The following APPBP2 variants were observed in gnomAD, a reference collection of about 807,000 sequenced individuals.
The protein encoded by APPBP2 is amyloid protein-binding protein 2.
Under a neutral mutation model 76.0 loss-of-function variants are expected in APPBP2, and 15 were observed. The ratio of observed to expected loss-of-function variants is 0.20; its 90% CI spans 0.13 to 0.30. APPBP2 has a LOEUF of 0.30. Ranked by LOEUF, APPBP2 falls within the 10% of genes least tolerant of loss-of-function variation. APPBP2 has a pLI of 1.00. For synonymous variants in APPBP2, 222 were observed against 242.2 expected (o/e 0.92, Z 0.77); for missense variants, 401 against 687.2 (o/e 0.58, Z 4.66).
chr17:60,453,481 G>A (rs1264515548), intron 11 of APPBP2, among the ~76,000 whole-genome samples: 4 of 150,788 alleles, frequency 2.7e-5, no homozygotes, highest in South Asian at 2.1e-4. Flanking sequence ...CACTGAGCCC[G>A]GCCTCATATA....
intron 1 of APPBP2, among the ~76,000 whole-genome samples, chr17:60,503,254 G>A (rs988943883): frequency 2.7e-5 from 4 of 145,894 alleles, no homozygotes; most frequent in African/African-American, 8.4e-5. Flanking sequence ...CTCATGATCC[G>A]CCCGCCTCAG....
chr17:60,460,939 A>G (rs963435760), intron 8 of APPBP2, 152 bp from the exon 9 acceptor site: 5 of 624,696 alleles, frequency 8.0e-6, no homozygotes, highest in African/African-American at 7.4e-5. Context: ...ACAGAACATG[A>G]AAGTCACCTA....
At chr17:60,478,703 C>T (rs369500371) in intron 4 of APPBP2, among the ~76,000 whole-genome samples, 133 of 152,288 alleles carry the variant, frequency 8.7e-4, no homozygotes, top group African/African-American at 3.1e-3. Flanking sequence ...AGGTGGATCA[C>T]CTGAAGTCAG....
intron 1 of APPBP2, among the ~76,000 whole-genome samples, chr17:60,524,643 G>C (rs1044302956): frequency 6.7e-6 from 1 of 148,310 alleles, no homozygotes; most frequent in African/African-American, 2.5e-5. Flanking sequence ...AAAAATCTAG[G>C]GGTGGAGAAA....
At chr17:60,495,435 ATTTATTATTTATTTAT>A (rs2090766843) in intron 2 of APPBP2, among the ~76,000 whole-genome samples, 3 of 114,312 alleles carry the variant, frequency 2.6e-5, no homozygotes, top group African/African-American at 5.5e-5. Context: ...TATTTTATTT[ATTTATTATTTATTTAT>A]TTATTTATTT....
chr17:60,505,334 G>C (rs1183933493), intron 1 of APPBP2, among the ~76,000 whole-genome samples: 1 of 152,138 alleles, frequency 6.6e-6, no homozygotes, highest in Non-Finnish European at 1.5e-5. Context: ...TTTTCTTTTT[G>C]AGACGGAGTC....
Position 60,444,359 on chromosome 17 carries a change from T to C in APPBP2, c.*3222A>G, listed in dbSNP as rs961224993. ...TGTTATGAGCAAATCATTATTTCTA[T>C]GTATAAAGTTTCAGCCAAAGGCTTC... On this transcript the variant is annotated 3_prime_UTR_variant, in exon 13 of 13. Transcript: ENST00000083182. 6.6e-6 allele frequency: 1 copy of C among 152,308 alleles called. No individual in the cohort carries two copies. The highest frequency in any genetic ancestry group is 1.9e-4 in the East Asian group (1 of 5,192). 9.4% of individuals were successfully genotyped at this position (152,308 alleles called of 1,614,324 possible). A position where few individuals can be genotyped will look rare whatever the true frequency, so the allele number is the denominator to read the frequency against.
In APPBP2 at chr17:60,518,354, C is replaced by CGT. The variant is rs1397870834; in HGVS notation, c.138+7438_138+7439dup. ...GAGCTACCATGCCCAGCCGTGTGTG[C>CGT]GTGCGTGTGTGTGTGTGTGTGTGTG... On this transcript the variant is annotated intron_variant, in intron 1 of 12. Transcript: ENST00000083182. 7.0e-5 allele frequency among the ~76,000 whole-genome samples: 5 copies of CGT among 71,688 alleles called. 1 individual carries two copies. The highest frequency in any genetic ancestry group is 8.8e-4 in the South Asian group (2 of 2,268). 47.0% of individuals were successfully genotyped at this position (71,688 alleles called of 152,430 possible). A position where few individuals can be genotyped will look rare whatever the true frequency, so the allele number is the denominator to read the frequency against.
At chr17:60,506,735 T>TA (rs2090870942) in intron 1 of APPBP2, among the ~76,000 whole-genome samples, 1 of 152,192 alleles carries the variant, frequency 6.6e-6, no homozygotes, top group African/African-American at 2.4e-5. Flanking sequence ...AATATTTTCT[T>TA]TTTTAAAAAA....
At chr17:60,513,423 T>G (rs879080485) in intron 1 of APPBP2, 16 of 661,108 alleles carry the variant, frequency 2.4e-5, no homozygotes, top group African/African-American at 3.6e-5. Context: ...GGGATTCAAT[T>G]TTTGTGACAG....
At chr17:60,518,961 CT>C (rs1323197725) in intron 1 of APPBP2, among the ~76,000 whole-genome samples, 12 of 151,876 alleles carry the variant, frequency 7.9e-5, no homozygotes, top group East Asian at 1.9e-4. Flanking sequence ...TTTACATTAC[CT>C]TTTTCCCCCC....
At chr17:60,468,715 G>C (rs2143342531) in intron 4 of APPBP2, among the ~76,000 whole-genome samples, 1 of 152,296 alleles carries the variant, frequency 6.6e-6, no homozygotes, top group South Asian at 2.1e-4. Flanking sequence ...GGAACTTGTG[G>C]TCCAACTTAT....
At chr17:60,508,157 T>C (rs2090884303) in intron 1 of APPBP2, among the ~76,000 whole-genome samples, 1 of 152,042 alleles carries the variant, frequency 6.6e-6, no homozygotes, top group Non-Finnish European at 1.5e-5. Context: ...TAGTTTTTGG[T>C]AGAACTGTTC....
rs186574668 is a variant in APPBP2, at chr17:60,522,138, T to C, written c.138+3656A>G. 2.5e-4 allele frequency among the ~76,000 whole-genome samples: 38 copies of C among 152,072 alleles called. No individual in the cohort carries two copies. In the East Asian group the frequency reaches 6.4e-3, roughly 26 times the overall value. ...CAACACATGACTGTATTGTGTAGGG[T>C]TCTGATTTTTATTAACTATTCTTTT... On this transcript the variant is annotated intron_variant, in intron 1 of 12. Coordinates refer to ENST00000083182, the MANE Select transcript of APPBP2 (RefSeq NM_006380.5).
chr17:60,523,872 G>T lies in APPBP2; in HGVS notation c.138+1922C>A, dbSNP rs888955713. ...AACTCAGGAACTAAATATCAGGTTT[G>T]AGACCTTAATTAAATTACTTAACTT... On this transcript the variant is annotated intron_variant, in intron 1 of 12. Coordinates refer to ENST00000083182, the MANE Select transcript of APPBP2 (RefSeq NM_006380.5). Among the ~76,000 whole-genome samples the T allele has an allele frequency of 2.0e-4, 30 of 152,272 alleles. 1 individual carries two copies. Among genetic ancestry groups the T allele is most frequent in the Admixed American group, 1.9e-3 (29 of 15,284 alleles).
At chr17:60,513,963 T>C (rs965582317) in intron 1 of APPBP2, among the ~76,000 whole-genome samples, 1 of 149,374 alleles carries the variant, frequency 6.7e-6, no homozygotes, top group East Asian at 2.0e-4. Flanking sequence ...TATTCTTCTT[T>C]CAATGCAAAC....
At chr17:60,498,072 A>G (rs753500667) in intron 2 of APPBP2, among the ~76,000 whole-genome samples, 3 of 151,760 alleles carry the variant, frequency 2.0e-5, no homozygotes, top group Non-Finnish European at 4.4e-5. Flanking sequence ...GGCTACAGTG[A>G]GCCATGATCT....
intron 1 of APPBP2, among the ~76,000 whole-genome samples, chr17:60,519,845 G>A (rs1449316553): frequency 7.1e-6 from 1 of 140,734 alleles, no homozygotes; most frequent in African/African-American, 2.7e-5. Flanking sequence ...GTACGGTGAT[G>A]CAATGACAGC....
chr17:60,487,240 C>T (rs2090687058), intron 3 of APPBP2, among the ~76,000 whole-genome samples: 2 of 152,130 alleles, frequency 1.3e-5, no homozygotes, highest in African/African-American at 4.8e-5. Context: ...GAATGTTGGC[C>T]TGCCTTGCTA....
Sources: allele counts gnomAD v4.1 joint callset (sites outside exome capture counted in the v4.1 genomes callset), GRCh38; gene constraint gnomAD v4.1.1; transcripts MANE v1.5; gene names NCBI Gene and HGNC (gene_info 2026-07-23, HGNC 2026-07-21).